MED12L: variants seen among roughly 807,000 people sequenced by gnomAD.
The protein encoded by MED12L is mediator of RNA polymerase II transcription subunit 12-like protein.
In MED12L, 60 loss-of-function variants were observed where a neutral mutation model predicts 281.3. The ratio of observed to expected loss-of-function variants is 0.21; its 90% CI spans 0.17 to 0.26. MED12L has a LOEUF of 0.26. MED12L is among the 10% of genes least tolerant of loss of function. MED12L has a pLI of 1.00. For synonymous variants in MED12L, 974 were observed against 987.2 expected, an observed-to-expected ratio of 0.99 and a Z score of 0.25; for missense variants, 2,146 against 2,680.9, an observed-to-expected ratio of 0.80 and a Z score of 4.41.
chr3:151,360,159 T>A (rs1182976173), intron 20 of MED12L, among the ~76,000 whole-genome samples: 2 of 152,148 alleles, frequency 1.3e-5, no homozygotes, highest in Non-Finnish European at 2.9e-5. Flanking sequence ...CTACAACAGT[T>A]TTCCTTTTGT....
At chr3:151,142,552 A>G (rs995921289) in intron 5 of MED12L, among the ~76,000 whole-genome samples, 8 of 152,194 alleles carry the variant, frequency 5.3e-5, no homozygotes, top group Non-Finnish European at 1.2e-4. Context: ...CCTCTATCCC[A>G]GACCCCTCCT....
At chr3:151,314,058 T>C (rs148397112) in intron 16 of MED12L, among the ~76,000 whole-genome samples, 7 of 152,304 alleles carry the variant, frequency 4.6e-5, no homozygotes, top group African/African-American at 1.7e-4. Flanking sequence ...ATCTAGTACA[T>C]TAGAAAAGGT....
chr3:151,111,046 C>G (rs1420018495), intron 2 of MED12L, among the ~76,000 whole-genome samples: 1 of 152,240 alleles, frequency 6.6e-6, no homozygotes, highest in Non-Finnish European at 1.5e-5. Flanking sequence ...CACCCCTGAC[C>G]TACTGAAGTG....
At chr3:151,396,969 A>G (rs1715062454) in intron 39 of MED12L, among the ~76,000 whole-genome samples, 1 of 152,170 alleles carries the variant, frequency 6.6e-6, no homozygotes, top group African/African-American at 2.4e-5. Context: ...TACCTTGATG[A>G]CACCATTACT....
chr3:151,415,589 A>G (rs1489173332), intron 42 of MED12L, among the ~76,000 whole-genome samples: 3 of 152,272 alleles, frequency 2.0e-5, no homozygotes, highest in Non-Finnish European at 4.4e-5. Flanking sequence ...AAAAGTACAA[A>G]AGATGAAGAA....
At chr3:151,163,833 A>T in intron 8 of MED12L, 60 bp from the exon 9 acceptor site, 4 of 1,514,798 alleles carry the variant, frequency 2.6e-6, no homozygotes, top group Non-Finnish European at 3.6e-6. Context: ...TTTACTGTTT[A>T]GCTATTGTTA....
At chr3:151,249,831 C>A (rs938426528) in intron 16 of MED12L, among the ~76,000 whole-genome samples, 2 of 152,112 alleles carry the variant, frequency 1.3e-5, no homozygotes, top group Non-Finnish European at 2.9e-5. Context: ...TGGATTAATA[C>A]AGTCATAATA....
Position 151,372,673 on chromosome 3 carries a change from A to G in MED12L, c.3771A>G (p.Ser1257=). ...ATGCTGATGATATCTGGACTGCCTC[A>G]CAAAATCCAAAATCCTGTGGGAAAA... ...DGNADDIWTA[S]QNPKSCGKSI... Residue 1257 remains serine (S), a synonymous_variant, in exon 27 of 45, where the codon TCA becomes TCG. Coordinates refer to ENST00000687756, the MANE Select transcript of MED12L (RefSeq NM_001393769.1). 6.2e-7 allele frequency: 1 copy of G among 1,613,994 alleles called. No homozygotes were observed. Among genetic ancestry groups the G allele is most frequent in the East Asian group, 2.2e-5 (1 of 44,860 alleles).
intron 16 of MED12L, chr3:151,212,058 T>C (rs1727258940): frequency 6.6e-6 from 1 of 152,222 alleles, no homozygotes; most frequent in Non-Finnish European, 1.5e-5. Flanking sequence ...TACATATGTC[T>C]TGACTGTGAG....
intron 2 of MED12L, among the ~76,000 whole-genome samples, chr3:151,095,688 T>G (rs1338899509): frequency 1.3e-5 from 2 of 152,236 alleles, no homozygotes; most frequent in Non-Finnish European, 2.9e-5. Flanking sequence ...TCAACATGAT[T>G]ATTATCCTGC....
At chr3:151,299,191 C>T (rs754891677) in intron 16 of MED12L, among the ~76,000 whole-genome samples, 9 of 152,094 alleles carry the variant, frequency 5.9e-5, no homozygotes, top group Admixed American at 1.3e-4. Context: ...TTCACTGGGA[C>T]GTGACACTTG....
intron 16 of MED12L, chr3:151,199,534 G>A (rs1725224153): frequency 1.5e-6 from 1 of 666,258 alleles, no homozygotes; most frequent in Admixed American, 3.0e-5. Context: ...TGTCTTTCCA[G>A]TTCTTAGAAT....
At chr3:151,278,229 G>T (rs972566702) in intron 16 of MED12L, 2 of 152,192 alleles carry the variant, frequency 1.3e-5, no homozygotes, top group African/African-American at 4.8e-5. Flanking sequence ...AATCTTTTCT[G>T]TTCCCATGCA....
intron 16 of MED12L, among the ~76,000 whole-genome samples, chr3:151,325,594 G>A (rs1749501949): frequency 6.6e-6 from 1 of 152,074 alleles, no homozygotes; most frequent in South Asian, 2.1e-4. Flanking sequence ...TCTCTACTAT[G>A]CCTCTTCACC....
chr3:151,365,101 A>C lies in MED12L; in HGVS notation c.3080A>C (p.Asn1027Thr). Residue 1027 changes from asparagine to threonine, a missense_variant, in exon 22 of 45, where the codon AAC (asparagine) becomes ACC (threonine). This residue lies in a region of MED12L where 404 missense variants were observed against 603.5 expected (regional missense o/e 0.67). Coordinates refer to ENST00000687756, the MANE Select transcript of MED12L (RefSeq NM_001393769.1). ...FIENPSARSINYSMLGKILSD... is the reference protein window; with the variant it reads ...FIENPSARSITYSMLGKILSD... ...GAGAATCCCTCAGCCCGCAGCATCA[A>C]CTACTCAATGCTGGGCAAGATCCTC... is the stretch of plus-strand genomic sequence containing the variant. The C allele has an allele frequency of 6.2e-7, 1 of 1,614,108 alleles. No homozygotes were observed. The highest frequency in any genetic ancestry group is 8.5e-7 in the Non-Finnish European group (1 of 1,179,978).
At chr3:151,401,732 A>G (rs1560128170) in intron 39 of MED12L, among the ~76,000 whole-genome samples, 1 of 152,232 alleles carries the variant, frequency 6.6e-6, no homozygotes, top group East Asian at 1.9e-4. Context: ...GGTGTAATTA[A>G]TATACATTTC....
At chr3:151,148,695 TA>T (rs151189124) in intron 5 of MED12L, among the ~76,000 whole-genome samples, 20 of 152,146 alleles carry the variant, frequency 1.3e-4, no homozygotes, top group Admixed American at 9.8e-4. Flanking sequence ...GTTGGAGTTT[TA>T]AAAAAAACAA....
intron 5 of MED12L, among the ~76,000 whole-genome samples, chr3:151,134,016 A>C (rs891619457): frequency 6.6e-6 from 1 of 152,306 alleles, no homozygotes; most frequent in East Asian, 1.9e-4. Flanking sequence ...TGTCACTGTT[A>C]ACAGCATTTC....
At chr3:151,310,560 C>G (rs1460288841) in intron 16 of MED12L, among the ~76,000 whole-genome samples, 1 of 152,168 alleles carries the variant, frequency 6.6e-6, no homozygotes. Flanking sequence ...ATGAATTTAT[C>G]AACACCAAAT....
Sources: gnomAD v4.1 joint callset for allele counts (sites outside exome capture counted in the v4.1 genomes callset) on GRCh38, gnomAD v4.1.1 for gene constraint, gnomAD v4.1.1 regional missense constraint, MANE v1.5 for transcripts, NCBI Gene and HGNC (gene_info 2026-07-23, HGNC 2026-07-21) for gene names.